PALLD: variants seen among roughly 807,000 people sequenced by gnomAD.
The protein encoded by PALLD is palladin.
Under a neutral mutation model 123.5 loss-of-function variants are expected in PALLD, and 61 were observed. The observed-to-expected ratio is 0.49, with a 90% CI of 0.40 to 0.61. The LOEUF (loss-of-function observed/expected upper bound fraction) is 0.61, where lower values mean the gene tolerates loss of function less well. Among genes scored for constraint, PALLD ranks in the 20% least tolerant of loss-of-function variants. The pLI is 0.00. For missense variants in PALLD, 1,273 were observed against 1,377.0 expected (o/e 0.92, Z 1.20); for synonymous variants, 465 against 496.4 (o/e 0.94, Z 0.84).
intron 3 of PALLD, among the ~76,000 whole-genome samples, chr4:168,669,556 A>G (rs904387392): frequency 6.6e-6 from 1 of 152,230 alleles, no homozygotes. Context: ...TTATGATGAT[A>G]CCACTGCCCT....
intron 10 of PALLD, among the ~76,000 whole-genome samples, chr4:168,777,739 C>A (rs912852186): frequency 6.6e-6 from 1 of 152,208 alleles, no homozygotes; most frequent in Non-Finnish European, 1.5e-5. Flanking sequence ...CAGTAACTTA[C>A]TTCCTTGGAG....
At chr4:168,658,679 G>A (rs1338704618) in intron 2 of PALLD, among the ~76,000 whole-genome samples, 1 of 151,464 alleles carries the variant, frequency 6.6e-6, no homozygotes, top group Non-Finnish European at 1.5e-5. Flanking sequence ...AAAAAAAAAA[G>A]GCAAGATAAA....
At chr4:168,914,861 A>T (rs1582143185) in intron 16 of PALLD, among the ~76,000 whole-genome samples, 1 of 152,338 alleles carries the variant, frequency 6.6e-6, no homozygotes, top group East Asian at 1.9e-4. Flanking sequence ...ATCCACACAG[A>T]CTTTTGTTCA....
At chr4:168,747,226 A>T (rs1500801) in intron 10 of PALLD, among the ~76,000 whole-genome samples, 125,821 of 152,238 alleles carry the variant, frequency 0.83, 52,508 homozygotes, top group East Asian at 0.95. Context: ...GCTGCATAAA[A>T]GGGTAGATCA....
intron 8 of PALLD, chr4:168,700,102 C>T (rs1419913018): frequency 1.4e-5 from 4 of 292,700 alleles, no homozygotes; most frequent in Middle Eastern, 9.0e-4. Context: ...TTCCTCATGG[C>T]TTTCTTCATT....
intron 10 of PALLD, chr4:168,877,736 C>G (rs1296250310): frequency 5.2e-6 from 6 of 1,155,688 alleles, no homozygotes; most frequent in Non-Finnish European, 6.4e-6. Context: ...CCCTCTGAAG[C>G]TCCAGCAACT....
chr4:168,718,343 T>G lies in PALLD; in HGVS notation c.1964+6420T>G, dbSNP rs563030445. ...CAAAGACAAGGTAAGCAAAAACAAG[T>G]TGGGACAAAATAACTAACAAAGGGT... On this transcript the variant is annotated intron_variant, in intron 10 of 21. Transcript: ENST00000505667. 6.6e-5 allele frequency among the ~76,000 whole-genome samples: 10 copies of G among 152,240 alleles called. No homozygotes were observed. In the South Asian group the frequency reaches 2.1e-3, roughly 32 times the overall value.
At chr4:168,882,888 G>A (rs1043511885) in intron 10 of PALLD, among the ~76,000 whole-genome samples, 1 of 152,032 alleles carries the variant, frequency 6.6e-6, no homozygotes, top group African/African-American at 2.4e-5. Flanking sequence ...TCAGGAGATC[G>A]AGATCATCCT....
chr4:168,711,421 C>A (rs915946597), intron 9 of PALLD, among the ~76,000 whole-genome samples, 160 bp from the exon 10 acceptor site: 1 of 152,220 alleles, frequency 6.6e-6, no homozygotes, highest in African/African-American at 2.4e-5. Flanking sequence ...ACCAGGCCCT[C>A]CAGCTGGCAG....
chr4:168,916,055 C>T (rs376808728), intron 17 of PALLD, 28 bp downstream of exon 17: 1 of 1,604,034 alleles, frequency 6.2e-7, no homozygotes, highest in African/African-American at 1.3e-5. Flanking sequence ...CTTGCATATC[C>T]TATTGCCCCA....
At chr4:168,549,911 G>T (rs539800304) in intron 2 of PALLD, among the ~76,000 whole-genome samples, 3 of 152,122 alleles carry the variant, frequency 2.0e-5, no homozygotes, top group Non-Finnish European at 2.9e-5. Context: ...AAATGAAGAA[G>T]TTTATGATGG....
At chr4:168,563,505 AT>A (rs1294618048) in intron 2 of PALLD, among the ~76,000 whole-genome samples, 8 of 152,182 alleles carry the variant, frequency 5.3e-5, no homozygotes. Context: ...AACCCCAAAA[AT>A]ATTACATATA....
chr4:168,555,834 G>A (rs1767225504), intron 2 of PALLD, among the ~76,000 whole-genome samples: 1 of 152,128 alleles, frequency 6.6e-6, no homozygotes. Context: ...TTATTCAAAA[G>A]CTTACCTCTG....
intron 3 of PALLD, among the ~76,000 whole-genome samples, chr4:168,679,437 GGT>G (rs1491077837): frequency 4.0e-5 from 5 of 124,946 alleles, no homozygotes; most frequent in African/African-American, 6.3e-5. Flanking sequence ...GGATGTGTGG[GGT>G]GTGTGTGTGG....
intron 2 of PALLD, among the ~76,000 whole-genome samples, chr4:168,520,481 A>C (rs1385549752): frequency 6.6e-6 from 1 of 152,050 alleles, no homozygotes; most frequent in African/African-American, 2.4e-5. Flanking sequence ...TCCTCTTTCT[A>C]TCTTTTCCAT....
rs1275232115 is a variant in PALLD, at chr4:168,878,236, G to A, written c.1965-12686G>A. 2.9e-6 allele frequency: 4 copies of A among 1,392,484 alleles called. No homozygotes were observed. The highest frequency in any genetic ancestry group is 1.6e-5 in the African/African-American group (1 of 63,244). 86.3% of individuals were successfully genotyped at this position (1,392,484 alleles called of 1,614,324 possible). On this transcript the variant is annotated intron_variant, in intron 10 of 21. Coordinates refer to ENST00000505667, the MANE Select transcript of PALLD (RefSeq NM_001166108.2). ...TGTTCCCACTGCCGCCGCCACCACC[G>A]CCGCTCCCGAGCCCGGGACAGGCGT...
chr4:168,614,585 A>G (rs1430932482), intron 2 of PALLD, among the ~76,000 whole-genome samples: 2 of 152,244 alleles, frequency 1.3e-5, no homozygotes, highest in Non-Finnish European at 2.9e-5. Flanking sequence ...AGTGTTTATT[A>G]GATGGTATCA....
intron 2 of PALLD, among the ~76,000 whole-genome samples, chr4:168,612,947 G>A (rs1042216900): frequency 1.3e-5 from 2 of 152,122 alleles, no homozygotes; most frequent in Admixed American, 6.6e-5. Context: ...CACTGGATTC[G>A]GAACTACCAG....
rs1010386583 is a variant in PALLD at position 168,897,515 on chromosome 4, C to T, written c.2250+916C>T. On this transcript the variant is annotated intron_variant, in intron 13 of 21. Transcript: ENST00000505667. ...AGGCTTGAGTGCAGTGGCACAATCA[C>T]GGCCCACTGCAGCCTCGACTTCCCA... Among the ~76,000 whole-genome samples, 8 of 152,162 alleles carry T rather than the reference C, an allele frequency of 5.3e-5. 1 individual carries two copies. In the East Asian group the frequency reaches 9.6e-4, roughly 18 times the overall value.
Sources: gnomAD v4.1 joint callset for allele counts (sites outside exome capture counted in the v4.1 genomes callset) on GRCh38, gnomAD v4.1.1 for gene constraint, MANE v1.5 for transcripts, NCBI Gene and HGNC (gene_info 2026-07-23, HGNC 2026-07-21) for gene names.